The following ROBO1 variants were observed in gnomAD, a reference collection of about 807,000 sequenced individuals.
ROBO1 encodes the protein roundabout guidance receptor 1.
ROBO1 carries 149 observed loss-of-function variants against 195.9 expected under a neutral mutation model. That is an observed-to-expected ratio of 0.76 (90% CI 0.67 to 0.87). The LOEUF (loss-of-function observed/expected upper bound fraction) is 0.87, where lower values mean the gene tolerates loss of function less well. Among genes scored for constraint, ROBO1 ranks in the 40% least tolerant of loss-of-function variants. ROBO1 has a pLI of 0.00. For missense variants in ROBO1, 1,933 were observed against 2,068.3 expected, an observed-to-expected ratio of 0.93 and a Z score of 1.27; for synonymous variants, 816 against 733.2, an observed-to-expected ratio of 1.11 and a Z score of -1.82.
At chr3:78,675,293 T>C (rs557597602) in intron 10 of ROBO1, among the ~76,000 whole-genome samples, 50 of 152,136 alleles carry the variant, frequency 3.3e-4, no homozygotes, top group African/African-American at 1.2e-3. Context: ...TTCATCTCAC[T>C]AGGGAGTGCC....
chr3:79,691,572 A>T (rs1947298833), intron 1 of ROBO1, among the ~76,000 whole-genome samples: 1 of 151,802 alleles, frequency 6.6e-6, no homozygotes, highest in African/African-American at 2.4e-5. Context: ...TTTTCTCAGC[A>T]CAAATCAAAC....
chr3:79,684,441 A>G (rs1270090060), intron 1 of ROBO1, among the ~76,000 whole-genome samples: 1 of 152,004 alleles, frequency 6.6e-6, no homozygotes, highest in East Asian at 1.9e-4. Context: ...AGTGAGACAT[A>G]TTTTCCCACT....
At chr3:79,126,235 G>C (rs1164459510) in intron 2 of ROBO1, among the ~76,000 whole-genome samples, 1 of 152,164 alleles carries the variant, frequency 6.6e-6, no homozygotes, top group Non-Finnish European at 1.5e-5. Flanking sequence ...ACATTCCAAA[G>C]TATTGGATAT....
intron 1 of ROBO1, among the ~76,000 whole-genome samples, chr3:79,604,134 G>T (rs73849638): frequency 0.042 from 6,419 of 151,892 alleles, 442 homozygotes; most frequent in African/African-American, 0.15. Flanking sequence ...ATTTCTATAT[G>T]CCATGAGTCC....
chr3:78,913,764 A>G (rs961186001), intron 4 of ROBO1, among the ~76,000 whole-genome samples: 1 of 152,204 alleles, frequency 6.6e-6, no homozygotes, highest in African/African-American at 2.4e-5. Context: ...GTAGAGATTA[A>G]AGAAACACAT....
intron 4 of ROBO1, among the ~76,000 whole-genome samples, chr3:78,898,390 T>G (rs924437848): frequency 2.2e-5 from 3 of 136,558 alleles, no homozygotes; most frequent in South Asian, 2.5e-4. Flanking sequence ...GTTTTTTTTT[T>G]TTTTTTTTTT....
At chr3:78,858,229 C>T (rs188771044) in intron 4 of ROBO1, among the ~76,000 whole-genome samples, 2 of 151,830 alleles carry the variant, frequency 1.3e-5, no homozygotes, top group East Asian at 3.9e-4. Flanking sequence ...ACAGGACACA[C>T]CACAGGAAAT....
chr3:79,557,681 C>G (rs1170495376), intron 2 of ROBO1, among the ~76,000 whole-genome samples: 1 of 135,588 alleles, frequency 7.4e-6, no homozygotes, highest in South Asian at 2.4e-4. Flanking sequence ...TTCGGTGACC[C>G]GAGATCGCGC....
intron 2 of ROBO1, among the ~76,000 whole-genome samples, chr3:79,247,151 T>C (rs1334873251): frequency 6.8e-6 from 1 of 146,060 alleles, no homozygotes; most frequent in African/African-American, 2.7e-5. Context: ...TTGTAAGAAG[T>C]ATAATAGAGA....
chr3:79,403,350 GA>G (rs1479802735), intron 2 of ROBO1, among the ~76,000 whole-genome samples: 8 of 151,924 alleles, frequency 5.3e-5, no homozygotes, highest in South Asian at 2.1e-4. Flanking sequence ...CAAATTCAAA[GA>G]AAAAAAGTGG....
At chr3:79,034,371 G>C (rs2078347040) in intron 3 of ROBO1, among the ~76,000 whole-genome samples, 1 of 152,132 alleles carries the variant, frequency 6.6e-6, no homozygotes, top group Non-Finnish European at 1.5e-5. Context: ...TGGCCTGTTA[G>C]TCAGAAGCCA....
intron 2 of ROBO1, among the ~76,000 whole-genome samples, chr3:79,548,724 C>T (rs1486130447): frequency 6.6e-6 from 1 of 152,130 alleles, no homozygotes; most frequent in East Asian, 1.9e-4. Flanking sequence ...AAAAGAAGTA[C>T]GTTCTCCACA....
chr3:79,172,990 C>A (rs2081193528), intron 2 of ROBO1, among the ~76,000 whole-genome samples: 1 of 152,256 alleles, frequency 6.6e-6, no homozygotes, highest in Non-Finnish European at 1.5e-5. Flanking sequence ...CTCAGTATTT[C>A]AGTTGTGTTC....
rs185916936 is a variant in ROBO1 at position 79,521,039 on chromosome 3, T to C, written c.88+68785A>G. On this transcript the variant is annotated intron_variant, in intron 2 of 30. Coordinates refer to ENST00000464233, the MANE Select transcript of ROBO1 (RefSeq NM_002941.4). ...GATAGTCTGTAGACATTAGCTACTT[T>C]CATTGAATAATCTTTGAGACCCCAT... Among the ~76,000 whole-genome samples the C allele has an allele frequency of 5.5e-4, 84 of 152,236 alleles. 2 individuals carry two copies. In the East Asian group the frequency reaches 0.015, roughly 27 times the overall value.
Position 79,029,662 on chromosome 3 carries a change from C to T in ROBO1, c.173-90735G>A, listed in dbSNP as rs374067098. Among the ~76,000 whole-genome samples the T allele has an allele frequency of 5.9e-5, 9 of 152,264 alleles. No homozygotes were observed. The East Asian group carries it at 7.7e-4, about 13-fold the overall frequency. On this transcript the variant is annotated intron_variant, in intron 3 of 30. Coordinates refer to ENST00000464233, the MANE Select transcript of ROBO1 (RefSeq NM_002941.4). ...AGGTAGAAGCTATGTGATTAAAGCA[C>T]GAGAACACAGTTTGAAGAATTTGCC... is the stretch of plus-strand genomic sequence containing the variant.
rs551145575 is a variant in ROBO1 at position 79,385,094 on chromosome 3, G to T, written c.88+204730C>A. Among the ~76,000 whole-genome samples the T allele has an allele frequency of 2.0e-5, 3 of 152,038 alleles. No individual in the cohort carries two copies. The South Asian group carries it at 6.2e-4, about 31-fold the overall frequency. Reference sequence around the variant, plus strand: ...AAGTGTACCATGAAAAAGCTTTCTTGCCTGGAGTCATATGTTCAGAAGAAT... The same window carrying T: ...AAGTGTACCATGAAAAAGCTTTCTTTCCTGGAGTCATATGTTCAGAAGAAT... On this transcript the variant is annotated intron_variant, in intron 2 of 30. Transcript: ENST00000464233.
At chr3:79,045,552 A>G (rs1306285988) in intron 3 of ROBO1, among the ~76,000 whole-genome samples, 3 of 152,142 alleles carry the variant, frequency 2.0e-5, no homozygotes, top group African/African-American at 7.2e-5. Context: ...AAATAACACC[A>G]TACAAAAATG....
intron 2 of ROBO1, among the ~76,000 whole-genome samples, chr3:79,201,562 T>G (rs1348975077): frequency 6.6e-6 from 1 of 151,954 alleles, no homozygotes; most frequent in Admixed American, 6.6e-5. Flanking sequence ...GCGAGAAAGC[T>G]GCTTAAGCAG....
At chr3:78,989,282 T>A (rs918982125) in intron 3 of ROBO1, among the ~76,000 whole-genome samples, 1 of 152,206 alleles carries the variant, frequency 6.6e-6, no homozygotes, top group Non-Finnish European at 1.5e-5. Context: ...GAATATAAAG[T>A]TATTCTTTGT....
Sources: allele counts gnomAD v4.1 joint callset (sites outside exome capture counted in the v4.1 genomes callset), GRCh38; gene constraint gnomAD v4.1.1; transcripts MANE v1.5; gene names NCBI Gene and HGNC (gene_info 2026-07-23, HGNC 2026-07-21).